Variants in RPSA2 observed in about 807,000 individuals in gnomAD.
RPSA2 encodes ribosomal protein SA 2, also known as small ribosomal subunit protein uS2B.
At chr19:23,847,952 C>T in the RPSA2 span, among the ~76,000 whole-genome samples, 25 of 152,260 alleles carry the variant, frequency 1.6e-4, no homozygotes, top group Admixed American at 7.2e-4. Flanking sequence ...TGCCTGACCC[C>T]GCAGGCAGTC....
chr19:23,866,696 C>A, the RPSA2 span, among the ~76,000 whole-genome samples: 7 of 152,254 alleles, frequency 4.6e-5, no homozygotes, highest in African/African-American at 1.7e-4. Context: ...ACCACAACCC[C>A]ACTTCAGGGG....
the RPSA2 span, among the ~76,000 whole-genome samples, chr19:23,833,759 ATGTCTTTAAAGTG>A: frequency 5.9e-5 from 9 of 152,126 alleles, no homozygotes; most frequent in Admixed American, 2.6e-4. Flanking sequence ...ATTAGAAAAT[ATGTCTTTAAAGTG>A]CAGAAGAGTA....
chr19:23,762,354 C>A, the RPSA2 span, among the ~76,000 whole-genome samples: 145 of 152,070 alleles, frequency 9.5e-4, no homozygotes, highest in Non-Finnish European at 1.8e-3. Context: ...GGATGAAGGT[C>A]TTTCCCGCAT....
chr19:23,854,805 A>C, the RPSA2 span, among the ~76,000 whole-genome samples: 1 of 152,204 alleles, frequency 6.6e-6, no homozygotes, highest in South Asian at 2.1e-4. Flanking sequence ...GCCCATGCCC[A>C]CAGAATAGCT....
the RPSA2 span, among the ~76,000 whole-genome samples, chr19:23,834,407 A>T: frequency 6.6e-6 from 1 of 151,998 alleles, no homozygotes; most frequent in Non-Finnish European, 1.5e-5. Context: ...TTTATTAGGT[A>T]AGCATTACTT....
the RPSA2 span, among the ~76,000 whole-genome samples, chr19:23,831,135 A>C: frequency 1.2e-4 from 18 of 151,778 alleles, no homozygotes; most frequent in African/African-American, 4.1e-4. Context: ...GCTGACTCAA[A>C]CTCTCATTTC....
chr19:23,830,761 C>G, the RPSA2 span, among the ~76,000 whole-genome samples: 2 of 151,350 alleles, frequency 1.3e-5, no homozygotes, highest in Non-Finnish European at 2.9e-5. Flanking sequence ...GTAATTTATA[C>G]CTCTGATTTT....
the RPSA2 span, among the ~76,000 whole-genome samples, chr19:23,763,727 A>G: frequency 1.3e-5 from 2 of 152,164 alleles, no homozygotes; most frequent in African/African-American, 4.8e-5. Flanking sequence ...TTGGCCCCCC[A>G]AAGTGCTAAG....
the RPSA2 span, among the ~76,000 whole-genome samples, chr19:23,830,892 A>G: frequency 6.6e-6 from 1 of 152,130 alleles, no homozygotes. Flanking sequence ...CAAAATCTTT[A>G]TAATGTTGTT....
At chr19:23,793,725 C>T in the RPSA2 span, among the ~76,000 whole-genome samples, 1 of 151,998 alleles carries the variant, frequency 6.6e-6, no homozygotes, top group East Asian at 1.9e-4. Flanking sequence ...ACCATCATGC[C>T]CAGCTAATTT....
the RPSA2 span, among the ~76,000 whole-genome samples, chr19:23,847,325 G>A: frequency 6.6e-6 from 1 of 151,370 alleles, no homozygotes; most frequent in Admixed American, 6.6e-5. Flanking sequence ...TTTGTATTGG[G>A]GAAACCCACC....
At chr19:23,787,042 A>G in the RPSA2 span, among the ~76,000 whole-genome samples, 1 of 152,126 alleles carries the variant, frequency 6.6e-6, no homozygotes, top group African/African-American at 2.4e-5. Context: ...CCCAGCATCC[A>G]GGTGATGTGG....
the RPSA2 span, among the ~76,000 whole-genome samples, chr19:23,802,901 A>G: frequency 2.6e-5 from 4 of 152,176 alleles, no homozygotes; most frequent in African/African-American, 9.6e-5. Context: ...TCTGATGTCT[A>G]CACCTGAACA....
At chr19:23,774,300 A>G in the RPSA2 span, among the ~76,000 whole-genome samples, 3 of 152,260 alleles carry the variant, frequency 2.0e-5, no homozygotes, top group South Asian at 6.2e-4. Context: ...ACTGCCAACA[A>G]GGAGCATTGT....
chr19:23,859,581 C>G, the RPSA2 span, among the ~76,000 whole-genome samples: 1 of 151,962 alleles, frequency 6.6e-6, no homozygotes, highest in African/African-American at 2.4e-5. Context: ...CAGCTGAGCT[C>G]ACACCATTGC....
the RPSA2 span, among the ~76,000 whole-genome samples, chr19:23,806,813 C>G: frequency 6.7e-6 from 1 of 149,432 alleles, no homozygotes; most frequent in Admixed American, 6.7e-5. Flanking sequence ...AAAAAATTAC[C>G]AGGAGATACC....
the RPSA2 span, among the ~76,000 whole-genome samples, chr19:23,773,197 C>T: frequency 2.6e-5 from 4 of 151,298 alleles, no homozygotes; most frequent in Admixed American, 1.3e-4. Flanking sequence ...CCCAGGTGCA[C>T]GCCATTGTTC....
the RPSA2 span, among the ~76,000 whole-genome samples, chr19:23,851,230 A>G: frequency 2.6e-5 from 4 of 152,218 alleles, no homozygotes; most frequent in Admixed American, 6.5e-5. Context: ...GCCCTCTGGG[A>G]TTAATACCAG....
At chr19:23,859,276 ATT>A in the RPSA2 span, among the ~76,000 whole-genome samples, 2 of 151,928 alleles carry the variant, frequency 1.3e-5, no homozygotes, top group Non-Finnish European at 2.9e-5. Context: ...GTGTTAGAAA[ATT>A]CTTGTTTCCC....
Sources: gnomAD v4.1 joint callset for allele counts (sites outside exome capture counted in the v4.1 genomes callset) on GRCh38, gnomAD v4.1.1 for gene constraint, MANE v1.5 for transcripts, NCBI Gene and HGNC (gene_info 2026-07-23, HGNC 2026-07-21) for gene names.